The following MLLT3 variants were observed in gnomAD, a reference collection of about 807,000 sequenced individuals.
The protein encoded by MLLT3 is protein AF-9.
MLLT3 carries 4 observed loss-of-function variants against 53.2 expected under a neutral mutation model. That is an observed-to-expected ratio of 0.08 (90% CI 0.04 to 0.17). The LOEUF (loss-of-function observed/expected upper bound fraction) is 0.17, where lower values mean the gene tolerates loss of function less well. MLLT3 is among the 10% of genes least tolerant of loss of function. The probability of loss-of-function intolerance (pLI) is 1.00; values close to 1 mark genes in which losing one functional copy is unlikely to be tolerated. For synonymous variants in MLLT3, 283 were observed against 230.6 expected (o/e 1.23, Z -2.06); for missense variants, 569 against 684.0 (o/e 0.83, Z 1.87).
At chr9:20,486,739 T>C (rs940391009) in intron 2 of MLLT3, among the ~76,000 whole-genome samples, 2 of 152,232 alleles carry the variant, frequency 1.3e-5, no homozygotes, top group African/African-American at 4.8e-5. Context: ...AGATTTAAAC[T>C]GTCAGACAGA....
chr9:20,611,670 T>C (rs1184862227), intron 2 of MLLT3, among the ~76,000 whole-genome samples: 2 of 152,138 alleles, frequency 1.3e-5, no homozygotes, highest in African/African-American at 4.8e-5. Flanking sequence ...AAATGGTGAC[T>C]TGATTTTATC....
rs549038587 is a variant in MLLT3, at chr9:20,346,939, A to G, written c.1576-365T>C. Among the ~76,000 whole-genome samples, 12 of 152,270 alleles carry G rather than the reference A, an allele frequency of 7.9e-5. No homozygotes were observed. In the South Asian group the frequency reaches 1.5e-3, roughly 18 times the overall value. On this transcript the variant is annotated intron_variant, in intron 10 of 10. Transcript: ENST00000380338. ...TAGACAGTGATTATACTTAATAGAC[A>G]TAAGAAAAATCCAGCCGAGAAATAA...
intron 2 of MLLT3, among the ~76,000 whole-genome samples, chr9:20,610,630 G>C (rs886268721): frequency 1.5e-4 from 23 of 152,080 alleles, no homozygotes; most frequent in African/African-American, 5.6e-4. Context: ...TACATTGATG[G>C]AGCTATAAGT....
At chr9:20,466,772 G>A (rs952594177) in intron 2 of MLLT3, among the ~76,000 whole-genome samples, 28 of 152,146 alleles carry the variant, frequency 1.8e-4, no homozygotes, top group African/African-American at 6.8e-4. Flanking sequence ...ATAAATGAAA[G>A]AGAAATCAAA....
intron 5 of MLLT3, among the ~76,000 whole-genome samples, chr9:20,381,744 C>T (rs1238561543): frequency 6.6e-6 from 1 of 151,772 alleles, no homozygotes; most frequent in Non-Finnish European, 1.5e-5. Context: ...TAAGTTAAAT[C>T]TTGCAGTGTT....
chr9:20,574,837 AT>A (rs1819614134), intron 2 of MLLT3, among the ~76,000 whole-genome samples: 2 of 152,196 alleles, frequency 1.3e-5, no homozygotes, highest in Non-Finnish European at 2.9e-5. Context: ...GTTTGATAGC[AT>A]TTTACCACAG....
Position 20,621,990 on chromosome 9 carries a change from AGGGAGGCGC to A in MLLT3, c.12+246_12+254del, listed in dbSNP as rs1445302426. On this transcript the variant is annotated intron_variant, in intron 1 of 10. Transcript: ENST00000380338. The surrounding 1 kb of genome is among the most constrained non-coding windows in gnomAD (Gnocchi z 7.0). ...TGTGACTGCAAAGAGGCGAGGAGGG[AGGGAGGCGC>A]GGGGGGTGGAGGGGCGAGTGTGAGC... The A allele has an allele frequency of 9.4e-6, 12 of 1,282,238 alleles. No individual in the cohort carries two copies. Among genetic ancestry groups the A allele is most frequent in the Non-Finnish European group, 1.2e-5 (12 of 1,014,566 alleles). The allele number at this position is 1,282,238 out of a possible 1,614,324, so 79.4% of individuals were successfully genotyped here. A position where few individuals can be genotyped will look rare whatever the true frequency, so the allele number is the denominator to read the frequency against.
intron 2 of MLLT3, among the ~76,000 whole-genome samples, chr9:20,500,734 T>C (rs1485976924): frequency 6.6e-6 from 1 of 152,192 alleles, no homozygotes; most frequent in African/African-American, 2.4e-5. Context: ...TACAGTTGAG[T>C]ATACCCTATT....
intron 7 of MLLT3, 108 bp downstream of exon 7, chr9:20,363,368 T>C (rs773825493): frequency 6.1e-6 from 8 of 1,315,488 alleles, no homozygotes; most frequent in South Asian, 5.7e-5. Context: ...AATGTGACCA[T>C]CTACTGCCGT....
At chr9:20,455,587 G>T (rs906254836) in intron 3 of MLLT3, among the ~76,000 whole-genome samples, 2 of 152,010 alleles carry the variant, frequency 1.3e-5, no homozygotes, top group Non-Finnish European at 2.9e-5. Flanking sequence ...ATATTTTACT[G>T]AGCACTGGTT....
At chr9:20,619,719 G>A (rs1324433916) in intron 2 of MLLT3, among the ~76,000 whole-genome samples, 1 of 152,114 alleles carries the variant, frequency 6.6e-6, no homozygotes, top group Non-Finnish European at 1.5e-5. Context: ...AAAAGAAATC[G>A]GTATTTCTCA....
chr9:20,597,624 T>C (rs1820309212), intron 2 of MLLT3, among the ~76,000 whole-genome samples: 1 of 152,200 alleles, frequency 6.6e-6, no homozygotes, highest in Non-Finnish European at 1.5e-5. Context: ...AACACCAGTA[T>C]TACTGCAGAG....
chr9:20,484,448 A>T (rs770979589), intron 2 of MLLT3, among the ~76,000 whole-genome samples: 52 of 152,154 alleles, frequency 3.4e-4, no homozygotes, highest in Non-Finnish European at 5.3e-4. Flanking sequence ...TTTTTCCTCA[A>T]TTGCCACACT....
At chr9:20,566,563 A>G (rs555337907) in intron 2 of MLLT3, among the ~76,000 whole-genome samples, 12 of 152,152 alleles carry the variant, frequency 7.9e-5, no homozygotes, top group Non-Finnish European at 1.6e-4. Context: ...CAGATCTAGC[A>G]TATCTAACAG....
intron 2 of MLLT3, among the ~76,000 whole-genome samples, chr9:20,491,748 C>T (rs370128740): frequency 1.3e-5 from 2 of 152,112 alleles, no homozygotes; most frequent in African/African-American, 4.8e-5. Context: ...TAAATAACCA[C>T]ATATACACCT....
chr9:20,511,042 A>G (rs1329812490), intron 2 of MLLT3, among the ~76,000 whole-genome samples: 1 of 152,340 alleles, frequency 6.6e-6, no homozygotes, highest in South Asian at 2.1e-4. Context: ...TAAGTCCAAG[A>G]TATGTTTAAG....
At position 20,621,908 on chromosome 9, in the gene MLLT3, T is replaced by TGC. The variant is rs890644690; in HGVS notation, c.12+336_12+337insGC. 1.5e-6 allele frequency: 2 copies of TGC among 1,359,384 alleles called. No homozygotes were observed. The highest frequency in any genetic ancestry group is 3.1e-5 in the African/African-American group (2 of 64,682). 84.2% of individuals were successfully genotyped at this position (1,359,384 alleles called of 1,614,324 possible). A position where few individuals can be genotyped will look rare whatever the true frequency, so the allele number is the denominator to read the frequency against. ...ATTATTCGCCTCCTTCCACCGTGTG[T>TGC]GTGTGTGTGTGTGAGTGCGCGCGTG... On this transcript the variant is annotated intron_variant, in intron 1 of 10. Coordinates refer to ENST00000380338, the MANE Select transcript of MLLT3 (RefSeq NM_004529.4). The surrounding 1 kb of genome is among the most constrained non-coding windows in gnomAD (Gnocchi z 7.0).
chr9:20,535,693 G>A (rs1321721028), intron 2 of MLLT3, among the ~76,000 whole-genome samples: 2 of 152,168 alleles, frequency 1.3e-5, no homozygotes, highest in Non-Finnish European at 2.9e-5. Flanking sequence ...TGAACCAGCA[G>A]GGTCTTGGTA....
At chr9:20,375,121 C>G (rs763283433) in intron 5 of MLLT3, among the ~76,000 whole-genome samples, 8 of 152,210 alleles carry the variant, frequency 5.3e-5, no homozygotes, top group Non-Finnish European at 8.8e-5. Context: ...ATTGCTGTTG[C>G]TTAAGACACT....
Sources: gnomAD v4.1 joint callset for allele counts (sites outside exome capture counted in the v4.1 genomes callset) on GRCh38, gnomAD v4.1.1 for gene constraint, Gnocchi (gnomAD v3.1) non-coding constraint, MANE v1.5 for transcripts, NCBI Gene and HGNC (gene_info 2026-07-23, HGNC 2026-07-21) for gene names.